FBXO31: variants seen among roughly 807,000 people sequenced by gnomAD.
FBXO31 encodes F-box only protein 31.
In FBXO31, 24 loss-of-function variants were observed where a neutral mutation model predicts 54.4. The ratio of observed to expected loss-of-function variants is 0.44; its 90% CI spans 0.32 to 0.62. FBXO31 has a LOEUF of 0.62. Ranked by LOEUF, FBXO31 falls within the 20% of genes least tolerant of loss-of-function variation. The pLI is 0.05. For missense variants in FBXO31, 665 were observed against 787.1 expected, an observed-to-expected ratio of 0.84 and a Z score of 1.86; for synonymous variants, 388 against 335.6, an observed-to-expected ratio of 1.16 and a Z score of -1.71.
At chr16:87,354,777 G>A (rs551525570) in intron 2 of FBXO31, among the ~76,000 whole-genome samples, 8 of 152,240 alleles carry the variant, frequency 5.3e-5, no homozygotes, top group African/African-American at 1.9e-4. Context: ...AGACAAGCCT[G>A]GCCAAACTGG....
intron 2 of FBXO31, among the ~76,000 whole-genome samples, chr16:87,354,976 T>C (rs1905830904): frequency 6.6e-6 from 1 of 151,910 alleles, no homozygotes; most frequent in Non-Finnish European, 1.5e-5. Flanking sequence ...CTCAAAAAAA[T>C]AAAAATAAAA....
intron 2 of FBXO31, among the ~76,000 whole-genome samples, chr16:87,348,941 T>G (rs1157083983): frequency 6.6e-6 from 1 of 152,028 alleles, no homozygotes; most frequent in East Asian, 1.9e-4. Flanking sequence ...GCTCACTCGG[T>G]AGGAGGAGCA....
intron 1 of FBXO31, among the ~76,000 whole-genome samples, chr16:87,361,091 C>T (rs948586138): frequency 3.3e-5 from 5 of 152,166 alleles, no homozygotes; most frequent in African/African-American, 4.8e-5. Flanking sequence ...AAGGAAAGAC[C>T]GCCAGGGACT....
chr16:87,340,741 C>G (rs115160768), intron 5 of FBXO31, among the ~76,000 whole-genome samples: 25 of 152,164 alleles, frequency 1.6e-4, no homozygotes, highest in Non-Finnish European at 3.5e-4. Flanking sequence ...TAAGATCACT[C>G]GAGCCAGGAG....
intron 2 of FBXO31, among the ~76,000 whole-genome samples, chr16:87,357,433 G>A (rs1216799672): frequency 2.0e-5 from 3 of 150,436 alleles, no homozygotes; most frequent in South Asian, 2.1e-4. Context: ...GGGTTCAAGC[G>A]ATTCCCCCAC....
intron 1 of FBXO31, among the ~76,000 whole-genome samples, chr16:87,363,565 T>C (rs868059614): frequency 1.7e-4 from 26 of 152,250 alleles, no homozygotes; most frequent in South Asian, 4.2e-4. Context: ...AATTCAGCAA[T>C]TGCCTCCAGA....
chr16:87,344,443 G>A (rs1429336502), intron 3 of FBXO31, among the ~76,000 whole-genome samples: 2 of 152,222 alleles, frequency 1.3e-5, no homozygotes, highest in African/African-American at 4.8e-5. Context: ...GGCCACAGCA[G>A]CCACATGCTT....
At position 87,331,330 on chromosome 16, in the gene FBXO31, G is replaced by C. The variant is rs1421947464; in HGVS notation, c.1578C>G (p.Ala526=). Residue 526 remains alanine (A), a synonymous_variant, in exon 9 of 9, where the codon GCC becomes GCG. Transcript: ENST00000311635. ...GAATGTTCTTGAGCATCTCATCGAA[G>C]GCCTGTGGGGACGGCGCATCTGCGT... The part of the protein sequence containing the change: ...FRNADAPSPQ[A]FDEMLKNIQS... 4 of 1,614,044 alleles carry C rather than the reference G, an allele frequency of 2.5e-6. No homozygotes were observed. The highest frequency in any genetic ancestry group is 1.1e-5 in the South Asian group (1 of 91,078).
chr16:87,379,107 C>T (rs1000781897), intron 1 of FBXO31, among the ~76,000 whole-genome samples: 1 of 152,034 alleles, frequency 6.6e-6, no homozygotes, highest in African/African-American at 2.4e-5. Context: ...GAGTTATGAA[C>T]CATCACATAC....
chr16:87,383,554 C>G lies in FBXO31; in HGVS notation c.191G>C (p.Arg64Pro), dbSNP rs1597382553. The G allele has an allele frequency of 1.1e-5, 17 of 1,546,162 alleles. No individual in the cohort carries two copies. The highest frequency in any genetic ancestry group is 1.4e-5 in the African/African-American group (1 of 70,546). The change falls in exon 1 of 9, where the codon CGC becomes CCC. Residue 64 changes from arginine to proline, a missense_variant. Arg to Pro is a moderately radical substitution (Grantham distance 103). This residue lies in a region of FBXO31 where 195 missense variants were observed against 174.8 expected (regional missense o/e 1.12). Coordinates refer to ENST00000311635, the MANE Select transcript of FBXO31 (RefSeq NM_024735.5). The surrounding 1 kb of genome is among the most constrained non-coding windows in gnomAD (Gnocchi z 4.9). ...GGGCGGCAGCTCCAGCAGCGAGCAG[C>G]GCGGGGGCGGCGGCGAGGGGCCCGC... The part of the protein sequence containing the change: ...LCAGPSPPPP[R>P]CSLLELPPEL...
In FBXO31 at chr16:87,382,960, G is replaced by C. The variant is rs577091788; in HGVS notation, c.340+445C>G. Among the ~76,000 whole-genome samples, 4 of 152,220 alleles carry C rather than the reference G, an allele frequency of 2.6e-5. No individual in the cohort carries two copies. In the South Asian group the frequency reaches 6.2e-4, roughly 24 times the overall value. On this transcript the variant is annotated intron_variant, in intron 1 of 8. Coordinates refer to ENST00000311635, the MANE Select transcript of FBXO31 (RefSeq NM_024735.5). Reference sequence around the variant, plus strand: ...GCTCCCATTTCTTCAAGTTCACCTCGTCTCTGGTCAGGGCCAGCGGGGCAC... The same window carrying C: ...GCTCCCATTTCTTCAAGTTCACCTCCTCTCTGGTCAGGGCCAGCGGGGCAC...
At chr16:87,333,697 G>A (rs953517377) in intron 8 of FBXO31, among the ~76,000 whole-genome samples, 189 bp downstream of exon 8, 10 of 152,140 alleles carry the variant, frequency 6.6e-5, no homozygotes, top group African/African-American at 1.7e-4. Context: ...ACCCAGCTGC[G>A]CGGCCGCTTG....
chr16:87,378,789 G>A (rs1040567442), intron 1 of FBXO31, among the ~76,000 whole-genome samples: 2 of 151,880 alleles, frequency 1.3e-5, no homozygotes, highest in African/African-American at 4.8e-5. Flanking sequence ...GTGAAACCCC[G>A]TCTCTACTAA....
rs554152582 is a variant in FBXO31 at position 87,373,401 on chromosome 16, G to A, written c.340+10004C>T. ...CAGGAGGTGGAGCTTGCAGTGAGCCGAGATCGCGCCACTGCACTCCAGCCT... is the reference window on the plus strand; with the variant it reads ...CAGGAGGTGGAGCTTGCAGTGAGCCAAGATCGCGCCACTGCACTCCAGCCT... On this transcript the variant is annotated intron_variant, in intron 1 of 8. Coordinates refer to ENST00000311635, the MANE Select transcript of FBXO31 (RefSeq NM_024735.5). Among the ~76,000 whole-genome samples the A allele has an allele frequency of 8.5e-5, 13 of 152,164 alleles. 1 individual carries two copies. Among genetic ancestry groups the A allele is most frequent in the Admixed American group, 3.3e-4 (5 of 15,284 alleles).
chr16:87,391,435 A>T (rs1042085996), upstream of FBXO31, among the ~76,000 whole-genome samples: 1 of 152,202 alleles, frequency 6.6e-6, no homozygotes, highest in African/African-American at 2.4e-5. Context: ...CTCAAATATG[A>T]CTGCCCTTTC....
chr16:87,359,393 G>GC (rs1188357038), intron 2 of FBXO31, among the ~76,000 whole-genome samples: 3 of 152,194 alleles, frequency 2.0e-5, no homozygotes, highest in Admixed American at 2.0e-4. Flanking sequence ...GCTGGAAGGA[G>GC]CATCCATGTG....
At chr16:87,380,332 GC>G (rs375233947) in intron 1 of FBXO31, among the ~76,000 whole-genome samples, 1 of 150,012 alleles carries the variant, frequency 6.7e-6, no homozygotes, top group Non-Finnish European at 1.5e-5. Flanking sequence ...GGAACCAAAA[GC>G]AAATATGACA....
chr16:87,354,727 G>T (rs1015933330), intron 2 of FBXO31, among the ~76,000 whole-genome samples: 3 of 152,166 alleles, frequency 2.0e-5, no homozygotes, highest in Non-Finnish European at 4.4e-5. Flanking sequence ...CAGCACTTTG[G>T]GTGGCCGAGG....
chr16:87,377,785 C>T (rs1906887698), intron 1 of FBXO31, among the ~76,000 whole-genome samples: 1 of 151,042 alleles, frequency 6.6e-6, no homozygotes, highest in African/African-American at 2.4e-5. Flanking sequence ...GCTGTGACTG[C>T]ACCACTACAC....
Sources: gnomAD v4.1 joint callset for allele counts (sites outside exome capture counted in the v4.1 genomes callset) on GRCh38, gnomAD v4.1.1 for gene constraint, gnomAD v4.1.1 regional missense constraint, Gnocchi (gnomAD v3.1) non-coding constraint, MANE v1.5 for transcripts, NCBI Gene and HGNC (gene_info 2026-07-23, HGNC 2026-07-21) for gene names.